UBE2G1: variants seen among roughly 807,000 people sequenced by gnomAD.
The protein encoded by UBE2G1 is ubiquitin-conjugating enzyme E2 G1.
UBE2G1 carries 5 observed loss-of-function variants against 22.7 expected under a neutral mutation model. That is an observed-to-expected ratio of 0.22 (90% CI 0.12 to 0.46). The LOEUF is 0.46. Ranked by LOEUF, UBE2G1 falls within the 20% of genes least tolerant of loss-of-function variation. The pLI, the probability that UBE2G1 is intolerant of heterozygous loss-of-function variation, is 0.99. For synonymous variants in UBE2G1, 74 were observed against 67.5 expected (o/e 1.10, Z -0.47); for missense variants, 88 against 203.9 (o/e 0.43, Z 3.46).
chr17:4,356,356 C>CAA (rs902110685), intron 1 of UBE2G1, among the ~76,000 whole-genome samples: 1 of 146,752 alleles, frequency 6.8e-6, no homozygotes, highest in Non-Finnish European at 1.5e-5. Context: ...GAAACTGTCT[C>CAA]AAAAAAAAAA....
At chr17:4,295,815 T>C (rs1969103290) in intron 3 of UBE2G1, among the ~76,000 whole-genome samples, 1 of 150,666 alleles carries the variant, frequency 6.6e-6, no homozygotes, top group Non-Finnish European at 1.5e-5. Flanking sequence ...GGGGCTTATA[T>C]ACAGGGGAGA....
chr17:4,358,696 A>G (rs532158798), intron 1 of UBE2G1, among the ~76,000 whole-genome samples: 1 of 152,368 alleles, frequency 6.6e-6, no homozygotes, highest in Admixed American at 6.5e-5. Context: ...TCACGCCTGT[A>G]ATCCCAGCAC....
chr17:4,314,829 G>C (rs557142392), intron 1 of UBE2G1, among the ~76,000 whole-genome samples: 115 of 152,152 alleles, frequency 7.6e-4, no homozygotes, highest in African/African-American at 2.6e-3. Context: ...ACATGTTCAA[G>C]GACATCCCTG....
chr17:4,342,407 C>T (rs1969721921), intron 1 of UBE2G1, among the ~76,000 whole-genome samples: 1 of 152,122 alleles, frequency 6.6e-6, no homozygotes, highest in African/African-American at 2.4e-5. Context: ...GGCTGGACAA[C>T]AAAGTGAGAC....
intron 5 of UBE2G1, among the ~76,000 whole-genome samples, chr17:4,273,204 C>CTAA (rs1968780740): frequency 6.6e-6 from 1 of 152,208 alleles, no homozygotes; most frequent in African/African-American, 2.4e-5. Context: ...AAGCAGCATG[C>CTAA]TAAGCGCTTT....
intron 1 of UBE2G1, among the ~76,000 whole-genome samples, chr17:4,358,071 T>C (rs779580411): frequency 1.3e-5 from 2 of 152,192 alleles, no homozygotes; most frequent in Non-Finnish European, 2.9e-5. Flanking sequence ...CAGCAATGTA[T>C]AAAAGTTCAA....
intron 1 of UBE2G1, among the ~76,000 whole-genome samples, chr17:4,352,322 C>T (rs912163172): frequency 9.2e-5 from 14 of 152,072 alleles, no homozygotes; most frequent in African/African-American, 2.2e-4. Flanking sequence ...CTCCAACTCC[C>T]GGGCTCAAGC....
intron 5 of UBE2G1, among the ~76,000 whole-genome samples, chr17:4,275,690 A>G (rs1196909750): frequency 6.6e-6 from 1 of 152,192 alleles, no homozygotes; most frequent in Non-Finnish European, 1.5e-5. Context: ...TAATTCTTCA[A>G]TCATAGGGAA....
intron 5 of UBE2G1, among the ~76,000 whole-genome samples, chr17:4,281,391 T>C (rs530729776): frequency 8.5e-5 from 13 of 152,088 alleles, no homozygotes; most frequent in Non-Finnish European, 1.9e-4. Context: ...AACCCAGAGT[T>C]AGGAATATGA....
At chr17:4,340,906 A>C (rs539864760) in intron 1 of UBE2G1, among the ~76,000 whole-genome samples, 16 of 150,842 alleles carry the variant, frequency 1.1e-4, no homozygotes, top group South Asian at 4.2e-4. Context: ...AAAAAAAAAA[A>C]AAAAAACAAA....
rs1037627639 is a variant in UBE2G1 at position 4,270,859 on chromosome 17, A to T, written c.*1695T>A. 6.6e-6 allele frequency: 1 copy of T among 152,174 alleles called. No homozygotes were observed. The highest frequency in any genetic ancestry group is 1.5e-5 in the Non-Finnish European group (1 of 68,034). 9.4% of individuals were successfully genotyped at this position (152,174 alleles called of 1,614,324 possible). On this transcript the variant is annotated 3_prime_UTR_variant, in exon 6 of 6. Transcript: ENST00000396981. Reference sequence around the variant, plus strand: ...ATCCTCAACCATTTTATTTCTGCTTAAAAAAGGACATACAACGTTTGTAGA... The same window carrying T: ...ATCCTCAACCATTTTATTTCTGCTTTAAAAAGGACATACAACGTTTGTAGA...
intron 1 of UBE2G1, among the ~76,000 whole-genome samples, chr17:4,362,740 A>G (rs1289693219): frequency 1.3e-5 from 2 of 152,178 alleles, no homozygotes; most frequent in Non-Finnish European, 2.9e-5. Context: ...CATGCCTGTA[A>G]TCTCAGCTAC....
intron 3 of UBE2G1, among the ~76,000 whole-genome samples, chr17:4,293,945 T>G (rs1969073086): frequency 6.6e-6 from 1 of 152,214 alleles, no homozygotes; most frequent in Admixed American, 6.5e-5. Flanking sequence ...CCTTCCAATC[T>G]TCTATGAGTG....
intron 1 of UBE2G1, among the ~76,000 whole-genome samples, chr17:4,340,521 C>T (rs1969698975): frequency 1.3e-5 from 2 of 152,090 alleles, no homozygotes; most frequent in South Asian, 4.1e-4. Context: ...ATGCTGTTCT[C>T]GTGATAGTGA....
chr17:4,330,064 C>A (rs11870158), intron 1 of UBE2G1, among the ~76,000 whole-genome samples: 1 of 151,636 alleles, frequency 6.6e-6, no homozygotes, highest in Non-Finnish European at 1.5e-5. Context: ...AAGTTTTACA[C>A]GTATGACGTA....
At chr17:4,331,007 C>CACACACAT (rs1408254216) in intron 1 of UBE2G1, among the ~76,000 whole-genome samples, 1 of 151,714 alleles carries the variant, frequency 6.6e-6, no homozygotes, top group Non-Finnish European at 1.5e-5. Flanking sequence ...CACACACACA[C>CACACACAT]ATTCCAAACT....
At chr17:4,306,946 A>G (rs1271525561) in intron 2 of UBE2G1, 75 bp downstream of exon 2, 8 of 1,411,638 alleles carry the variant, frequency 5.7e-6, no homozygotes, top group Non-Finnish European at 6.9e-6. Flanking sequence ...CACCGTGCCC[A>G]GCCTGCCAAA....
rs370120942 is a variant in UBE2G1 at position 4,327,941 on chromosome 17, C to G, written c.47-20818G>C. 7.9e-5 allele frequency among the ~76,000 whole-genome samples: 12 copies of G among 152,322 alleles called. No homozygotes were observed. The South Asian group carries it at 8.3e-4, about 11-fold the overall frequency. ...ACATAAGTGACCTCTGAGAACAAAT[C>G]TGCCCTTCTCTTCCTTCTGCAGGAA... On this transcript the variant is annotated intron_variant, in intron 1 of 5. Coordinates refer to ENST00000396981, the MANE Select transcript of UBE2G1 (RefSeq NM_003342.5).
At chr17:4,285,670 G>A (rs780403474) in intron 4 of UBE2G1, among the ~76,000 whole-genome samples, 2 of 152,192 alleles carry the variant, frequency 1.3e-5, no homozygotes, top group African/African-American at 2.4e-5. Flanking sequence ...GGGCCAAAGC[G>A]GCCGGGCGAG....
Sources: gnomAD v4.1 joint callset for allele counts (sites outside exome capture counted in the v4.1 genomes callset) on GRCh38, gnomAD v4.1.1 for gene constraint, MANE v1.5 for transcripts, NCBI Gene and HGNC (gene_info 2026-07-23, HGNC 2026-07-21) for gene names.